Variants in PLEKHA7 observed in about 807,000 individuals in gnomAD.
PLEKHA7 encodes the protein pleckstrin homology domain-containing family A member 7.
Under a neutral mutation model 170.0 loss-of-function variants are expected in PLEKHA7, and 104 were observed. That is an observed-to-expected ratio of 0.61 (90% confidence interval 0.52 to 0.72). PLEKHA7 has a LOEUF of 0.72. Ranked by LOEUF, PLEKHA7 falls within the 30% of genes least tolerant of loss-of-function variation. PLEKHA7 has a pLI of 0.00. For synonymous variants in PLEKHA7, 648 were observed against 660.8 expected, an observed-to-expected ratio of 0.98 and a Z score of 0.30; for missense variants, 1,615 against 1,671.7, an observed-to-expected ratio of 0.97 and a Z score of 0.59.
chr11:17,000,779 C>T (rs1864618845), intron 3 of PLEKHA7, among the ~76,000 whole-genome samples: 1 of 152,216 alleles, frequency 6.6e-6, no homozygotes, highest in South Asian at 2.1e-4. Flanking sequence ...TTCAAGTGAC[C>T]TGCCAAAGCT....
rs571073950 is a variant in PLEKHA7 at position 16,827,233 on chromosome 11, A to C, written c.873-643T>G. On this transcript the variant is annotated intron_variant, in intron 9 of 26. Coordinates refer to ENST00000531066, the MANE Select transcript of PLEKHA7 (RefSeq NM_001329630.2). ...TGGCGAATAGAGAACAGGCACAGCA[A>C]CCACTGTATGTGAATAGCAACCTGT... Among the ~76,000 whole-genome samples, 9 of 152,360 alleles carry C rather than the reference A, an allele frequency of 5.9e-5. No homozygotes were observed. The South Asian group carries it at 1.9e-3, about 32-fold the overall frequency.
intron 9 of PLEKHA7, among the ~76,000 whole-genome samples, chr11:16,835,068 G>A (rs1226191594): frequency 1.3e-5 from 2 of 152,168 alleles, no homozygotes; most frequent in African/African-American, 2.4e-5. Flanking sequence ...CCAGGAGTTC[G>A]AGGCCAGCCT....
chr11:16,806,412 T>C (rs1021510399), intron 13 of PLEKHA7, among the ~76,000 whole-genome samples: 2 of 152,224 alleles, frequency 1.3e-5, no homozygotes, highest in Non-Finnish European at 1.5e-5. Context: ...CCCCAGCATC[T>C]CTGTCATCAG....
intron 3 of PLEKHA7, among the ~76,000 whole-genome samples, chr11:16,984,746 G>A (rs572770851): frequency 6.6e-6 from 1 of 152,334 alleles, no homozygotes; most frequent in African/African-American, 2.4e-5. Flanking sequence ...TGAGGGCAGA[G>A]ACCTTTATTG....
intron 3 of PLEKHA7, among the ~76,000 whole-genome samples, chr11:16,957,693 T>C (rs1277454630): frequency 7.8e-6 from 1 of 127,474 alleles, no homozygotes; most frequent in Non-Finnish European, 1.7e-5. Flanking sequence ...TCAATAATTT[T>C]TTTCTTTTTT....
intron 3 of PLEKHA7, among the ~76,000 whole-genome samples, chr11:17,009,430 G>A (rs1450217207): frequency 2.0e-5 from 3 of 152,160 alleles, no homozygotes; most frequent in African/African-American, 4.8e-5. Flanking sequence ...AAACTATTGT[G>A]AGAATTAAAT....
intron 8 of PLEKHA7, among the ~76,000 whole-genome samples, chr11:16,847,013 A>G (rs959490087): frequency 3.3e-5 from 5 of 149,802 alleles, no homozygotes; most frequent in African/African-American, 9.8e-5. Flanking sequence ...AGACAAGGTG[A>G]CTCTGAGCAG....
chr11:16,851,108 C>T, intron 8 of PLEKHA7, 83 bp downstream of exon 8: 2 of 1,128,640 alleles, frequency 1.8e-6, no homozygotes, highest in Non-Finnish European at 2.5e-6. Context: ...CCCCTCCCGA[C>T]AAAAGCAACT....
At chr11:17,006,214 C>T (rs943342472) in intron 3 of PLEKHA7, among the ~76,000 whole-genome samples, 1 of 151,666 alleles carries the variant, frequency 6.6e-6, no homozygotes, top group Non-Finnish European at 1.5e-5. Flanking sequence ...TACTAAATTA[C>T]CCGGGCATGG....
intron 3 of PLEKHA7, among the ~76,000 whole-genome samples, chr11:16,909,510 A>G (rs937011373): frequency 6.6e-6 from 1 of 152,216 alleles, no homozygotes; most frequent in Admixed American, 6.5e-5. Flanking sequence ...GATACAGAGT[A>G]GGGCCTGCTC....
At chr11:16,832,526 T>C (rs1169814277) in intron 9 of PLEKHA7, among the ~76,000 whole-genome samples, 1 of 152,240 alleles carries the variant, frequency 6.6e-6, no homozygotes, top group Non-Finnish European at 1.5e-5. Flanking sequence ...CACTGATTAT[T>C]ATTTTATTCT....
chr11:16,800,286 C>G (rs1241954371), intron 17 of PLEKHA7, among the ~76,000 whole-genome samples: 1 of 152,176 alleles, frequency 6.6e-6, no homozygotes, highest in Non-Finnish European at 1.5e-5. Flanking sequence ...TGGGGGAACA[C>G]TGGGCAATTT....
chr11:16,848,460 G>T (rs1852646876), intron 8 of PLEKHA7, among the ~76,000 whole-genome samples: 1 of 152,210 alleles, frequency 6.6e-6, no homozygotes, highest in Non-Finnish European at 1.5e-5. Context: ...TTTCCAGAAT[G>T]TTAAGCATGC....
intron 3 of PLEKHA7, among the ~76,000 whole-genome samples, chr11:16,889,339 C>T (rs941171219): frequency 2.0e-5 from 3 of 147,000 alleles, no homozygotes; most frequent in Non-Finnish European, 4.5e-5. Context: ...CATCTCCCTT[C>T]GCTGACTCCT....
chr11:17,003,489 C>A (rs140543315), intron 3 of PLEKHA7, among the ~76,000 whole-genome samples: 164 of 152,328 alleles, frequency 1.1e-3, no homozygotes, highest in African/African-American at 3.8e-3. Context: ...ATTTATTGGG[C>A]ATTTACAATG....
In PLEKHA7 at chr11:16,959,235, C is replaced by G. The variant is rs562115929; in HGVS notation, c.221+54754G>C. Among the ~76,000 whole-genome samples the G allele has an allele frequency of 1.4e-3, 171 of 119,952 alleles. 3 individuals are homozygous for G. In the South Asian group the frequency reaches 0.043, roughly 30 times the overall value. 78.7% of individuals were successfully genotyped at this position (119,952 alleles called of 152,430 possible). A position where few individuals can be genotyped will look rare whatever the true frequency, so the allele number is the denominator to read the frequency against. ...TATCTTTCTGCTCCCCTCTCTCCCC[C>G]TCAGGTAGACCCCAGTGTCTGTTGT... On this transcript the variant is annotated intron_variant, in intron 3 of 26. Coordinates refer to ENST00000531066, the MANE Select transcript of PLEKHA7 (RefSeq NM_001329630.2).
At chr11:16,833,366 A>C (rs948208724) in intron 9 of PLEKHA7, among the ~76,000 whole-genome samples, 1 of 152,112 alleles carries the variant, frequency 6.6e-6, no homozygotes, top group Non-Finnish European at 1.5e-5. Flanking sequence ...GACAAACCAG[A>C]CTAAGAAGAG....
chr11:16,878,661 T>G (rs1175661444), intron 3 of PLEKHA7, among the ~76,000 whole-genome samples: 1 of 152,186 alleles, frequency 6.6e-6, no homozygotes, highest in Non-Finnish European at 1.5e-5. Flanking sequence ...AGTGGCACAA[T>G]CGCAGCTCAC....
chr11:16,953,718 AG>A (rs1242764586), intron 3 of PLEKHA7, among the ~76,000 whole-genome samples: 8 of 152,180 alleles, frequency 5.3e-5, no homozygotes, highest in African/African-American at 1.9e-4. Flanking sequence ...TGCCTCCTAA[AG>A]GTAAGTATAC....
Sources: allele counts gnomAD v4.1 joint callset (sites outside exome capture counted in the v4.1 genomes callset), GRCh38; gene constraint gnomAD v4.1.1; transcripts MANE v1.5; gene names NCBI Gene and HGNC (gene_info 2026-07-23, HGNC 2026-07-21).